The following ST8SIA6 variants were observed in gnomAD, a reference collection of about 807,000 sequenced individuals.
ST8SIA6 encodes the protein ST8 alpha-N-acetyl-neuraminide alpha-2,8-sialyltransferase 6.
Under a neutral mutation model 33.6 loss-of-function variants are expected in ST8SIA6, and 39 were observed. The ratio of observed to expected loss-of-function variants is 1.16; its 90% confidence interval spans 0.90 to 1.52. The LOEUF (loss-of-function observed/expected upper bound fraction) is 1.52. Among genes scored for constraint, ST8SIA6 ranks in the 40% most tolerant of loss-of-function variants. ST8SIA6 has a pLI of 0.00. For synonymous variants in ST8SIA6, 172 were observed against 167.2 expected (o/e 1.03, Z -0.22); for missense variants, 441 against 443.8 (o/e 0.99, Z 0.06).
At chr10:17,412,809 T>G (rs1394248002) in intron 2 of ST8SIA6, among the ~76,000 whole-genome samples, 1 of 152,220 alleles carries the variant, frequency 6.6e-6, no homozygotes, top group Non-Finnish European at 1.5e-5. Flanking sequence ...CCATCTTTTG[T>G]ACAATTCAAA....
intron 2 of ST8SIA6, among the ~76,000 whole-genome samples, chr10:17,433,486 C>T (rs1455156418): frequency 6.6e-6 from 1 of 152,090 alleles, no homozygotes; most frequent in South Asian, 2.1e-4. Flanking sequence ...CATAATAATA[C>T]TTAATGTTCA....
Position 17,320,322 on chromosome 10 carries a change from T to A in ST8SIA6, c.*556A>T, listed in dbSNP as rs1184273009. On this transcript the variant is annotated 3_prime_UTR_variant, in exon 8 of 8. Coordinates refer to ENST00000377602, the MANE Select transcript of ST8SIA6 (RefSeq NM_001004470.3). ...CATCACAGCTACTATTAAAAGTGAATTTAATCAGAAGCAGGCATACTGCCA... is the reference window on the plus strand; with the variant it reads ...CATCACAGCTACTATTAAAAGTGAAATTAATCAGAAGCAGGCATACTGCCA... 6.6e-6 allele frequency: 1 copy of A among 152,620 alleles called. No homozygotes were observed. The highest frequency in any genetic ancestry group is 6.5e-5 in the Admixed American group (1 of 15,310). The allele number at this position is 152,620 out of a possible 1,614,324, so 9.5% of individuals were successfully genotyped here.
intron 4 of ST8SIA6, among the ~76,000 whole-genome samples, chr10:17,347,298 CT>C (rs1209942599): frequency 6.6e-6 from 1 of 152,106 alleles, no homozygotes; most frequent in African/African-American, 2.4e-5. Context: ...GGGTGTGAGA[CT>C]TTAGCAAAAG....
intron 2 of ST8SIA6, among the ~76,000 whole-genome samples, chr10:17,412,125 T>C (rs1203329694): frequency 6.6e-6 from 1 of 152,076 alleles, no homozygotes; most frequent in Non-Finnish European, 1.5e-5. Context: ...CATTCTCAGC[T>C]TTCACCTTTG....
chr10:17,448,806 T>TG (rs1852814363), intron 2 of ST8SIA6, among the ~76,000 whole-genome samples: 19 of 140,062 alleles, frequency 1.4e-4, no homozygotes, highest in South Asian at 7.0e-4. Flanking sequence ...TTTTTTTTTG[T>TG]TAGAGACAGG....
intron 2 of ST8SIA6, among the ~76,000 whole-genome samples, chr10:17,395,818 G>T (rs2131670355): frequency 6.6e-6 from 1 of 152,306 alleles, no homozygotes; most frequent in African/African-American, 2.4e-5. Context: ...AGGAGGCAAA[G>T]GTTGTGGTGA....
chr10:17,441,304 C>CTTTATTTATTTATTTATTTA (rs34815790), intron 2 of ST8SIA6, among the ~76,000 whole-genome samples: 1,512 of 148,206 alleles, frequency 0.01, 27 homozygotes, highest in African/African-American at 0.033. Context: ...TCTAAATTAT[C>CTTTATTTATTTATTTATTTA]TTTATTTATT....
intron 2 of ST8SIA6, among the ~76,000 whole-genome samples, chr10:17,418,993 C>CAAAAAAAAAAAAA (rs910044275): frequency 3.6e-5 from 2 of 56,154 alleles, no homozygotes; most frequent in African/African-American, 6.2e-5. Context: ...GGCTCCATCT[C>CAAAAAAAAAAAAA]AAAAAAAAAA....
intron 4 of ST8SIA6, among the ~76,000 whole-genome samples, chr10:17,340,111 G>A (rs545442685): frequency 6.6e-6 from 1 of 152,336 alleles, no homozygotes; most frequent in Non-Finnish European, 1.5e-5. Flanking sequence ...TGAGTTCTAA[G>A]TTTCTCTTGA....
intron 5 of ST8SIA6, among the ~76,000 whole-genome samples, chr10:17,328,513 C>T (rs1002819636): frequency 6.6e-6 from 1 of 152,174 alleles, no homozygotes; most frequent in Non-Finnish European, 1.5e-5. Context: ...CTTGAGCCCA[C>T]GGCCAGGGTG....
intron 5 of ST8SIA6, among the ~76,000 whole-genome samples, 198 bp downstream of exon 5, chr10:17,331,210 A>T (rs1326953507): frequency 2.0e-5 from 3 of 152,212 alleles, no homozygotes; most frequent in African/African-American, 7.2e-5. Context: ...ATCATTTAAG[A>T]TATAAATAAT....
At chr10:17,364,264 CTG>C (rs1274062310) in intron 3 of ST8SIA6, among the ~76,000 whole-genome samples, 1 of 152,186 alleles carries the variant, frequency 6.6e-6, no homozygotes, top group East Asian at 1.9e-4. Context: ...TATGTTGTAG[CTG>C]GTTCCAATTT....
intron 4 of ST8SIA6, among the ~76,000 whole-genome samples, chr10:17,339,156 T>TTTTG (rs1848597190): frequency 6.6e-6 from 1 of 152,144 alleles, no homozygotes; most frequent in African/African-American, 2.4e-5. Context: ...TTTCTGTTTC[T>TTTTG]TTTGTTTGTT....
chr10:17,377,170 A>G (rs1391080803), intron 3 of ST8SIA6, among the ~76,000 whole-genome samples: 1 of 152,082 alleles, frequency 6.6e-6, no homozygotes, highest in East Asian at 1.9e-4. Flanking sequence ...TGGACAGTGA[A>G]TCTCAGGAGC....
Position 17,385,008 on chromosome 10 carries a change from TTTTG to T in ST8SIA6, c.290+5519_290+5522del, listed in dbSNP as rs79406840. Among the ~76,000 whole-genome samples, 194 of 152,200 alleles carry T rather than the reference TTTTG, an allele frequency of 1.3e-3. 2 individuals are homozygous for T. The highest frequency in any genetic ancestry group is 1.0e-3 in the South Asian group (5 of 4,818). On this transcript the variant is annotated intron_variant, in intron 3 of 7. Coordinates refer to ENST00000377602, the MANE Select transcript of ST8SIA6 (RefSeq NM_001004470.3). ...CTGAAACCAGAGAGTCTGTTTTGTT[TTTTG>T]TTTGTTTGTTTGTTTTTTTGTAAAA...
intron 2 of ST8SIA6, among the ~76,000 whole-genome samples, chr10:17,408,503 G>C (rs1009208400): frequency 2.0e-5 from 3 of 151,804 alleles, no homozygotes; most frequent in Non-Finnish European, 4.4e-5. Flanking sequence ...GTCTCTACTA[G>C]AAAGGCAAAA....
intron 2 of ST8SIA6, among the ~76,000 whole-genome samples, chr10:17,414,422 A>C (rs1376667841): frequency 2.0e-5 from 3 of 152,202 alleles, no homozygotes; most frequent in African/African-American, 7.2e-5. Context: ...TATTGAAAAA[A>C]ATAGAAGCCT....
chr10:17,342,453 T>A (rs1848709823), intron 4 of ST8SIA6, among the ~76,000 whole-genome samples: 1 of 152,168 alleles, frequency 6.6e-6, no homozygotes, highest in Non-Finnish European at 1.5e-5. Flanking sequence ...CCTCATTGAA[T>A]GAATAAACTT....
At chr10:17,434,773 T>C (rs972164854) in intron 2 of ST8SIA6, among the ~76,000 whole-genome samples, 1 of 152,124 alleles carries the variant, frequency 6.6e-6, no homozygotes, top group Non-Finnish European at 1.5e-5. Context: ...AAAACTGAGT[T>C]GGTTAACTGC....
Sources: gnomAD v4.1 joint callset for allele counts (sites outside exome capture counted in the v4.1 genomes callset) on GRCh38, gnomAD v4.1.1 for gene constraint, MANE v1.5 for transcripts, NCBI Gene and HGNC (gene_info 2026-07-23, HGNC 2026-07-21) for gene names.